SNRPB2: variants seen among roughly 807,000 people sequenced by gnomAD.
SNRPB2 encodes the protein U2 small nuclear ribonucleoprotein B''.
A neutral mutation model predicts 26.3 loss-of-function variants in SNRPB2; 16 were observed. The observed-to-expected ratio is 0.61, with a 90% CI of 0.41 to 0.92. The LOEUF is 0.92. Ranked by LOEUF, SNRPB2 falls within the 40% of genes least tolerant of loss-of-function variation. The pLI, the probability that SNRPB2 is intolerant of heterozygous loss-of-function variation, is 0.00. For missense variants in SNRPB2, 179 were observed against 268.1 expected, an observed-to-expected ratio of 0.67 and a Z score of 2.32; for synonymous variants, 75 against 89.0, an observed-to-expected ratio of 0.84 and a Z score of 0.88.
chr20:16,732,482 G>A (rs2072399359), intron 3 of SNRPB2, 146 bp downstream of exon 3: 1 of 534,796 alleles, frequency 1.9e-6, no homozygotes, highest in South Asian at 2.9e-5. Context: ...TAGAAAAACA[G>A]TAGTGGTAGA....
At chr20:16,737,455 T>C in intron 4 of SNRPB2, 54 bp downstream of exon 4, 1 of 1,479,608 alleles carries the variant, frequency 6.8e-7, no homozygotes, top group East Asian at 2.3e-5. Flanking sequence ...ACTTGATAGA[T>C]GCTTGTCTTA....
In SNRPB2 at chr20:16,738,847, C is replaced by G; in HGVS notation, c.379-5C>G. The G allele has an allele frequency of 6.3e-7, 1 of 1,575,112 alleles. No homozygotes were observed. The highest frequency in any genetic ancestry group is 8.7e-7 in the Non-Finnish European group (1 of 1,144,740). ...ATTTAAACTCTCCCTATTTATTTTG[C>G]TTAGGGAACTCCAAATTCAGCTAAT... On this transcript the variant is annotated splice_region_variant and splice_polypyrimidine_tract_variant and intron_variant, in intron 4 of 6. Coordinates refer to ENST00000246071, the MANE Select transcript of SNRPB2 (RefSeq NM_003092.5).
At position 16,731,650 on chromosome 20, in the gene SNRPB2, C is replaced by T. The variant is rs2072391558; in HGVS notation, c.-35-18C>T. The T allele has an allele frequency of 1.9e-6, 3 of 1,602,588 alleles. No homozygotes were observed. In the Admixed American group the frequency reaches 5.1e-5, roughly 27 times the overall value. On this transcript the variant is annotated intron_variant, in intron 1 of 6. Coordinates refer to ENST00000246071, the MANE Select transcript of SNRPB2 (RefSeq NM_003092.5). ...ATGCCACAGTCCAGTATAATTTACT[C>T]CTTCCTTTTTATAACAGATTTTTTA...
At chr20:16,738,741 G>A in intron 4 of SNRPB2, 111 bp from the exon 5 acceptor site, 1 of 699,778 alleles carries the variant, frequency 1.4e-6, no homozygotes, top group African/African-American at 1.8e-5. Flanking sequence ...GGAGTAAGAA[G>A]GATATCTCTT....
intron 3 of SNRPB2, among the ~76,000 whole-genome samples, chr20:16,733,814 C>T (rs1206125772): frequency 6.6e-6 from 1 of 152,176 alleles, no homozygotes; most frequent in Non-Finnish European, 1.5e-5. Context: ...ATCCAGCTCT[C>T]CTTTTCCCAT....
At chr20:16,733,185 A>G (rs776646422) in intron 3 of SNRPB2, among the ~76,000 whole-genome samples, 19 of 152,216 alleles carry the variant, frequency 1.2e-4, no homozygotes, top group Non-Finnish European at 2.5e-4. Flanking sequence ...GGTTAGTTTT[A>G]CCACCTCCGG....
intron 1 of SNRPB2, 91 bp from the exon 2 acceptor site, chr20:16,731,577 G>T: frequency 1.5e-6 from 2 of 1,296,432 alleles, no homozygotes; most frequent in East Asian, 2.5e-5. Context: ...TCTGACAACT[G>T]GGATTGAAAG....
At chr20:16,734,501 T>C (rs552973972) in intron 3 of SNRPB2, among the ~76,000 whole-genome samples, 1 of 152,352 alleles carries the variant, frequency 6.6e-6, no homozygotes, top group African/African-American at 2.4e-5. Context: ...AAGGGCTTCG[T>C]CATGAAAACT....
intron 3 of SNRPB2, among the ~76,000 whole-genome samples, chr20:16,733,957 A>C (rs1026557658): frequency 3.9e-5 from 6 of 152,198 alleles, no homozygotes; most frequent in Non-Finnish European, 8.8e-5. Flanking sequence ...AGTAGTATAA[A>C]GAAACACCAT....
chr20:16,741,360 C>T lies in SNRPB2; in HGVS notation c.*355C>T, dbSNP rs1448886812. ...GAGCTAATTATACAACATCATTGAACCATTCAATAAAAGTTAAGTAAAATT... is the reference window on the plus strand; with the variant it reads ...GAGCTAATTATACAACATCATTGAATCATTCAATAAAAGTTAAGTAAAATT... On this transcript the variant is annotated 3_prime_UTR_variant, in exon 7 of 7. Transcript: ENST00000246071. The T allele has an allele frequency of 6.3e-6, 1 of 159,542 alleles. No individual in the cohort carries two copies. The highest frequency in any genetic ancestry group is 2.4e-5 in the African/African-American group (1 of 41,714). 9.9% of individuals were successfully genotyped at this position (159,542 alleles called of 1,614,324 possible). A position where few individuals can be genotyped will look rare whatever the true frequency, so the allele number is the denominator to read the frequency against.
intron 3 of SNRPB2, among the ~76,000 whole-genome samples, chr20:16,733,317 C>G (rs1056956224): frequency 6.6e-6 from 1 of 152,106 alleles, no homozygotes; most frequent in Non-Finnish European, 1.5e-5. Context: ...TATGTACTTA[C>G]GTTTTTTAAC....
intron 3 of SNRPB2, among the ~76,000 whole-genome samples, chr20:16,732,688 A>G (rs993822628): frequency 6.6e-6 from 1 of 152,222 alleles, no homozygotes; most frequent in Non-Finnish European, 1.5e-5. Flanking sequence ...CAAAGAGGAA[A>G]TTCAGTCTGA....
chr20:16,731,407 A>G (rs1406833162), intron 1 of SNRPB2, among the ~76,000 whole-genome samples: 1 of 152,234 alleles, frequency 6.6e-6, no homozygotes, highest in Non-Finnish European at 1.5e-5. Context: ...AGTGAAACGT[A>G]AGTGTAAAAA....
Position 16,730,037 on chromosome 20 carries a change from T to G in SNRPB2, c.-163T>G, listed in dbSNP as rs1326098433. Reference sequence around the variant, plus strand: ...GCCTGGCTCCGTTTCCTGCTTTTGGTTCTTACAGTAGTCGGCGTAGGCCTT... The same window carrying G: ...GCCTGGCTCCGTTTCCTGCTTTTGGGTCTTACAGTAGTCGGCGTAGGCCTT... On this transcript the variant is annotated 5_prime_UTR_variant, in exon 1 of 7. Transcript: ENST00000246071. 2 of 152,462 alleles carry G rather than the reference T, an allele frequency of 1.3e-5. No homozygotes were observed. Among genetic ancestry groups the G allele is most frequent in the African/African-American group, 4.8e-5 (2 of 41,442 alleles). 9.4% of individuals were successfully genotyped at this position (152,462 alleles called of 1,614,324 possible). A position where few individuals can be genotyped will look rare whatever the true frequency, so the allele number is the denominator to read the frequency against.
In SNRPB2 at chr20:16,731,688, G is replaced by T; in HGVS notation, c.-15G>T. ...AACAGATTTTTTACTGTCTCCTGAA[G>T]AATTTAACACAAACATGGATATCAG... is the stretch of plus-strand genomic sequence containing the variant. On this transcript the variant is annotated 5_prime_UTR_variant, in exon 2 of 7. Coordinates refer to ENST00000246071, the MANE Select transcript of SNRPB2 (RefSeq NM_003092.5). 1 of 1,611,360 alleles carries T rather than the reference G, an allele frequency of 6.2e-7. No individual in the cohort carries two copies.
intron 3 of SNRPB2, among the ~76,000 whole-genome samples, chr20:16,735,805 AT>A (rs1568754116): frequency 6.6e-6 from 1 of 152,228 alleles, no homozygotes; most frequent in Non-Finnish European, 1.5e-5. Context: ...ACATTTTAAA[AT>A]TTAGTAAGTT....
In SNRPB2 at chr20:16,730,922, A is replaced by G. The variant is rs77890982; in HGVS notation, c.-35-746A>G. The G allele has an allele frequency of 2.9e-5, 4 of 138,758 alleles. No homozygotes were observed. The East Asian group carries it at 6.8e-4, about 24-fold the overall frequency. The allele number at this position is 138,758 out of a possible 1,614,324, so 8.6% of individuals were successfully genotyped here. A position where few individuals can be genotyped will look rare whatever the true frequency, so the allele number is the denominator to read the frequency against. On this transcript the variant is annotated intron_variant, in intron 1 of 6. Coordinates refer to ENST00000246071, the MANE Select transcript of SNRPB2 (RefSeq NM_003092.5). ...TTACCTGGTAATAGCTGTTAATAATAGCTACTCTTAAGTGTTTACCGCTGA... is the reference window on the plus strand; with the variant it reads ...TTACCTGGTAATAGCTGTTAATAATGGCTACTCTTAAGTGTTTACCGCTGA...
intron 3 of SNRPB2, among the ~76,000 whole-genome samples, chr20:16,735,191 C>G (rs753457177): frequency 6.6e-5 from 10 of 151,740 alleles, no homozygotes; most frequent in Non-Finnish European, 1.0e-4. Flanking sequence ...TTGACAAATT[C>G]TTTGCTTTGT....
At chr20:16,732,385 A>G (rs368071813) in intron 3 of SNRPB2, 49 bp downstream of exon 3, 10 of 978,590 alleles carry the variant, frequency 1.0e-5, no homozygotes, top group Non-Finnish European at 1.6e-5. Context: ...AATGATATTG[A>G]TGGGACAGTA....
Sources: gnomAD v4.1 joint callset for allele counts (sites outside exome capture counted in the v4.1 genomes callset) on GRCh38, gnomAD v4.1.1 for gene constraint, MANE v1.5 for transcripts, NCBI Gene and HGNC (gene_info 2026-07-23, HGNC 2026-07-21) for gene names.